The following MTSS1 variants were observed in gnomAD, a reference collection of about 807,000 sequenced individuals.
MTSS1 encodes the protein MTSS I-BAR domain containing 1, also known as protein MTSS 1.
In MTSS1, 18 loss-of-function variants were observed where a neutral mutation model predicts 79.0. The ratio of observed to expected loss-of-function variants is 0.23; its 90% CI spans 0.16 to 0.34. The LOEUF (loss-of-function observed/expected upper bound fraction) is 0.34, where lower values mean the gene tolerates loss of function less well. Ranked by LOEUF, MTSS1 falls within the 10% of genes least tolerant of loss-of-function variation. The pLI, the probability that MTSS1 is intolerant of heterozygous loss-of-function variation, is 1.00. For synonymous variants in MTSS1, 341 were observed against 368.6 expected (o/e 0.93, Z 0.86); for missense variants, 815 against 986.2 (o/e 0.83, Z 2.33).
At chr8:124,684,845 T>C (rs1245211896) in intron 3 of MTSS1, among the ~76,000 whole-genome samples, 1 of 152,194 alleles carries the variant, frequency 6.6e-6, no homozygotes, top group African/African-American at 2.4e-5. Context: ...GCTTGTCACA[T>C]AGCCATTAGA....
At chr8:124,702,534 C>T (rs915187058) in intron 2 of MTSS1, among the ~76,000 whole-genome samples, 2 of 152,192 alleles carry the variant, frequency 1.3e-5, no homozygotes, top group African/African-American at 4.8e-5. Context: ...CCAAACAAAG[C>T]TGAAGGAATG....
rs554603887 is a variant in MTSS1, at chr8:124,629,520, A to G, written c.209-38285T>C. ...GACTCCGTCTCAAAAAAAAAAAAAA[A>G]AAAAAAGAAAAGAAAAAGAAAAAAG... On this transcript the variant is annotated intron_variant, in intron 3 of 13. Transcript: ENST00000518547. Among the ~76,000 whole-genome samples, 171 of 151,350 alleles carry G rather than the reference A, an allele frequency of 1.1e-3. 1 individual carries two copies. The highest frequency in any genetic ancestry group is 3.8e-3 in the African/African-American group (159 of 41,304).
intron 3 of MTSS1, among the ~76,000 whole-genome samples, chr8:124,610,779 C>A (rs942817646): frequency 2.6e-5 from 4 of 152,114 alleles, no homozygotes; most frequent in African/African-American, 9.7e-5. Context: ...CCTGAAGAAC[C>A]TTCCCCTTTC....
At chr8:124,700,756 A>G (rs754644681) in intron 2 of MTSS1, among the ~76,000 whole-genome samples, 2 of 152,190 alleles carry the variant, frequency 1.3e-5, no homozygotes, top group East Asian at 1.9e-4. Flanking sequence ...AGCCAGGGCC[A>G]TGGATTCCAC....
At chr8:124,570,126 T>C (rs1190926490) in intron 6 of MTSS1, among the ~76,000 whole-genome samples, 2 of 152,196 alleles carry the variant, frequency 1.3e-5, no homozygotes, top group Non-Finnish European at 2.9e-5. Flanking sequence ...CACATCCCAA[T>C]AGAAAAGGTA....
At chr8:124,686,658 A>AT (rs1385780327) in intron 3 of MTSS1, among the ~76,000 whole-genome samples, 1 of 152,102 alleles carries the variant, frequency 6.6e-6, no homozygotes, top group Non-Finnish European at 1.5e-5. Context: ...CTCAATACAC[A>AT]TTTTTGGTTT....
chr8:124,632,479 C>A (rs910766796), intron 3 of MTSS1, among the ~76,000 whole-genome samples: 4 of 151,302 alleles, frequency 2.6e-5, no homozygotes, highest in African/African-American at 4.9e-5. Context: ...TAAGACCCCA[C>A]CTCTACAAAA....
At chr8:124,554,039 G>A (rs892475307) in intron 13 of MTSS1, among the ~76,000 whole-genome samples, 3 of 152,218 alleles carry the variant, frequency 2.0e-5, no homozygotes, top group Non-Finnish European at 4.4e-5. Context: ...AAATTCTCCA[G>A]TCCAGAACTC....
intron 3 of MTSS1, among the ~76,000 whole-genome samples, chr8:124,651,657 C>T (rs777862104): frequency 2.0e-5 from 3 of 152,128 alleles, no homozygotes; most frequent in Non-Finnish European, 4.4e-5. Flanking sequence ...TTTCCTGGGA[C>T]ATAAGTCTCC....
chr8:124,668,179 C>A (rs923916528), intron 3 of MTSS1, among the ~76,000 whole-genome samples: 4 of 152,210 alleles, frequency 2.6e-5, no homozygotes, highest in African/African-American at 9.7e-5. Context: ...GAGGAGGACA[C>A]AGCGCAAGCG....
chr8:124,668,220 A>C (rs1823483669), intron 3 of MTSS1, among the ~76,000 whole-genome samples: 1 of 152,144 alleles, frequency 6.6e-6, no homozygotes, highest in South Asian at 2.1e-4. Context: ...GAAGGTGGTG[A>C]TTCGCTTTTT....
rs76281355 is a variant in MTSS1 at position 124,595,186 on chromosome 8, C to T, written c.209-3951G>A. On this transcript the variant is annotated intron_variant, in intron 3 of 13. Transcript: ENST00000518547. The stretch of plus-strand genomic sequence containing the variant: ...TTGTTTAAAAGATATAAAATAAAAA[C>T]AAGATGCTTAATCTTAGCAAAGTTC... 2.7e-3 allele frequency among the ~76,000 whole-genome samples: 404 copies of T among 152,162 alleles called. 1 individual carries two copies. Among genetic ancestry groups the T allele is most frequent in the Non-Finnish European group, 4.7e-3 (317 of 67,928 alleles).
At chr8:124,650,360 C>T (rs1302020944) in intron 3 of MTSS1, among the ~76,000 whole-genome samples, 4 of 152,084 alleles carry the variant, frequency 2.6e-5, no homozygotes, top group African/African-American at 9.7e-5. Flanking sequence ...GCTGTGAAAC[C>T]ACACTCCTGT....
Position 124,625,659 on chromosome 8 carries a change from G to T in MTSS1, c.209-34424C>A, listed in dbSNP as rs76725592. ...GAAGGCCAGTTAAGGCACTCCCCCT[G>T]ACCCCACACACAAAAACTGCAGCTT... On this transcript the variant is annotated intron_variant, in intron 3 of 13. Transcript: ENST00000518547. Among the ~76,000 whole-genome samples, 1,381 of 152,300 alleles carry T rather than the reference G, an allele frequency of 9.1e-3. 6 individuals are homozygous for T. Among genetic ancestry groups the T allele is most frequent in the Non-Finnish European group, 0.015 (1,010 of 68,030 alleles).
chr8:124,712,652 G>A (rs1361806109), intron 1 of MTSS1, among the ~76,000 whole-genome samples: 1 of 152,186 alleles, frequency 6.6e-6, no homozygotes, highest in East Asian at 1.9e-4. Flanking sequence ...TTTATTCTCT[G>A]ATTGGGGGTT....
Position 124,567,845 on chromosome 8 carries a change from C to T in MTSS1, c.618+534G>A, listed in dbSNP as rs1449614504. 2.7e-6 allele frequency: 4 copies of T among 1,488,084 alleles called. 1 individual carries two copies. In the South Asian group the frequency reaches 3.9e-5, roughly 14 times the overall value. 92.2% of individuals were successfully genotyped at this position (1,488,084 alleles called of 1,614,324 possible). A position where few individuals can be genotyped will look rare whatever the true frequency, so the allele number is the denominator to read the frequency against. On this transcript the variant is annotated intron_variant, in intron 7 of 13. Coordinates refer to ENST00000518547, the MANE Select transcript of MTSS1 (RefSeq NM_014751.6). ...GAGCTGGTACCTTCGAATCAGCTTC[C>T]AGAACGCCTGCAGTGCAAGTTCTCA... is the stretch of plus-strand genomic sequence containing the variant.
chr8:124,590,976 C>T (rs186093324), intron 4 of MTSS1, among the ~76,000 whole-genome samples, 175 bp downstream of exon 4: 144 of 152,108 alleles, frequency 9.5e-4, no homozygotes, highest in African/African-American at 3.3e-3. Flanking sequence ...TCTGCTGCAC[C>T]CCCAGGGCCT....
intron 3 of MTSS1, among the ~76,000 whole-genome samples, chr8:124,605,462 AG>A (rs1450718397): frequency 6.6e-6 from 1 of 152,170 alleles, no homozygotes; most frequent in Non-Finnish European, 1.5e-5. Flanking sequence ...TTAGTGTTCT[AG>A]GGATCAGAGT....
intron 3 of MTSS1, among the ~76,000 whole-genome samples, chr8:124,681,032 T>C (rs542639066): frequency 7.8e-4 from 118 of 152,142 alleles, no homozygotes; most frequent in Non-Finnish European, 1.3e-3. Flanking sequence ...TTAAGTGGTA[T>C]AGCCCAGAGT....
Sources: gnomAD v4.1 joint callset for allele counts (sites outside exome capture counted in the v4.1 genomes callset) on GRCh38, gnomAD v4.1.1 for gene constraint, MANE v1.5 for transcripts, NCBI Gene and HGNC (gene_info 2026-07-23, HGNC 2026-07-21) for gene names.